The following PKNOX2 variants were observed in gnomAD, a reference collection of about 807,000 sequenced individuals.
PKNOX2 encodes PBX/knotted 1 homeobox 2, also known as homeobox protein PKNOX2.
Under a neutral mutation model 53.1 loss-of-function variants are expected in PKNOX2, and 14 were observed. That is an observed-to-expected ratio of 0.26 (90% confidence interval 0.17 to 0.41). The LOEUF (loss-of-function observed/expected upper bound fraction) is 0.41, where lower values mean the gene tolerates loss of function less well. Ranked by LOEUF, PKNOX2 falls within the 10% of genes least tolerant of loss-of-function variation. PKNOX2 has a pLI of 1.00. For synonymous variants in PKNOX2, 257 were observed against 242.8 expected (o/e 1.06, Z -0.54); for missense variants, 496 against 602.8 (o/e 0.82, Z 1.85).
chr11:125,319,107 T>C (rs1197530209), intron 2 of PKNOX2, among the ~76,000 whole-genome samples: 1 of 152,246 alleles, frequency 6.6e-6, no homozygotes, highest in Non-Finnish European at 1.5e-5. Flanking sequence ...TAATCATTTC[T>C]AACTTTTGAT....
intron 2 of PKNOX2, among the ~76,000 whole-genome samples, chr11:125,299,757 C>G (rs10466539): frequency 0.16 from 23,903 of 151,926 alleles, 2,019 homozygotes; most frequent in East Asian, 0.25. Flanking sequence ...AGAGGGTGAG[C>G]GTTGGGGATA....
chr11:125,229,477 A>T (rs899466026), intron 1 of PKNOX2, among the ~76,000 whole-genome samples: 2 of 152,362 alleles, frequency 1.3e-5, no homozygotes, highest in East Asian at 1.9e-4. Flanking sequence ...ATGTTGGCAG[A>T]TATAAAAACA....
chr11:125,196,482 C>A (rs1937704439), intron 1 of PKNOX2, among the ~76,000 whole-genome samples: 1 of 152,248 alleles, frequency 6.6e-6, no homozygotes, highest in African/African-American at 2.4e-5. Context: ...GAGCTCCCAA[C>A]ATCCTCACCA....
chr11:125,309,998 T>C (rs1198451996), intron 2 of PKNOX2, among the ~76,000 whole-genome samples: 1 of 152,210 alleles, frequency 6.6e-6, no homozygotes, highest in Admixed American at 6.5e-5. Context: ...CCATTCAAGC[T>C]ACTCTTCTTC....
intron 3 of PKNOX2, among the ~76,000 whole-genome samples, chr11:125,339,830 C>T (rs902737514): frequency 1.3e-5 from 2 of 152,216 alleles, no homozygotes; most frequent in African/African-American, 4.8e-5. Flanking sequence ...AATTATACAT[C>T]GCCTTTGAGA....
intron 1 of PKNOX2, among the ~76,000 whole-genome samples, chr11:125,203,500 G>A (rs1078531): frequency 0.21 from 31,671 of 152,166 alleles, 3,425 homozygotes; most frequent in African/African-American, 0.27. Flanking sequence ...GGCCCTTCAG[G>A]GAAGGCGGCA....
chr11:125,256,747 C>G (rs968310445), intron 2 of PKNOX2, among the ~76,000 whole-genome samples: 3 of 152,188 alleles, frequency 2.0e-5, no homozygotes, highest in African/African-American at 7.2e-5. Context: ...GGTTTCTCAG[C>G]AGATCAATCC....
intron 1 of PKNOX2, among the ~76,000 whole-genome samples, chr11:125,226,255 T>C (rs1941681670): frequency 6.6e-6 from 1 of 152,220 alleles, no homozygotes; most frequent in Admixed American, 6.5e-5. Context: ...TTTAGGACTT[T>C]ATGGCTGAAT....
chr11:125,311,752 G>A (rs1009447773), intron 2 of PKNOX2, among the ~76,000 whole-genome samples: 4 of 152,092 alleles, frequency 2.6e-5, no homozygotes, highest in Admixed American at 2.0e-4. Flanking sequence ...TCTACCCAGC[G>A]TCCTATCAAA....
intron 2 of PKNOX2, among the ~76,000 whole-genome samples, chr11:125,306,915 G>C (rs1948499204): frequency 6.6e-6 from 1 of 152,136 alleles, no homozygotes; most frequent in Non-Finnish European, 1.5e-5. Context: ...ATGGATTTAA[G>C]GCCACAGGGT....
chr11:125,269,679 G>A (rs769332355), intron 2 of PKNOX2, among the ~76,000 whole-genome samples: 16 of 152,186 alleles, frequency 1.1e-4, no homozygotes, highest in Non-Finnish European at 2.1e-4. Flanking sequence ...GTCTGGAAAT[G>A]AAACAGGAAA....
intron 3 of PKNOX2, among the ~76,000 whole-genome samples, chr11:125,346,500 AT>A (rs551085097): frequency 3.9e-5 from 6 of 152,090 alleles, no homozygotes; most frequent in Admixed American, 3.9e-4. Flanking sequence ...GGAATCCAGA[AT>A]TTTTTTTACC....
At chr11:125,179,912 T>C (rs1232594799) in intron 1 of PKNOX2, among the ~76,000 whole-genome samples, 1 of 152,176 alleles carries the variant, frequency 6.6e-6, no homozygotes, top group Non-Finnish European at 1.5e-5. Flanking sequence ...TCAAATTCAT[T>C]GACGTTAAAG....
intron 1 of PKNOX2, among the ~76,000 whole-genome samples, chr11:125,176,054 T>C (rs1037459005): frequency 1.3e-5 from 2 of 152,196 alleles, no homozygotes; most frequent in Admixed American, 1.3e-4. Flanking sequence ...GCAGGGTGGC[T>C]TTCCATGACT....
chr11:125,367,167 T>A (rs1489671760), intron 4 of PKNOX2, among the ~76,000 whole-genome samples: 3 of 152,236 alleles, frequency 2.0e-5, no homozygotes, highest in African/African-American at 7.2e-5. Context: ...GAAAATCTAA[T>A]AGATAATATT....
intron 3 of PKNOX2, among the ~76,000 whole-genome samples, chr11:125,348,998 G>T (rs1951145849): frequency 6.6e-6 from 1 of 152,160 alleles, no homozygotes; most frequent in African/African-American, 2.4e-5. Context: ...TGGCGGACGA[G>T]CATCTGTGAT....
At chr11:125,379,886 C>G (rs1298642131) in intron 5 of PKNOX2, among the ~76,000 whole-genome samples, 1 of 151,442 alleles carries the variant, frequency 6.6e-6, no homozygotes, top group Non-Finnish European at 1.5e-5. Flanking sequence ...TAAGCTAGCA[C>G]AAGACTGCAA....
chr11:125,214,334 G>C (rs892354772), intron 1 of PKNOX2, among the ~76,000 whole-genome samples: 1 of 151,828 alleles, frequency 6.6e-6, no homozygotes, highest in African/African-American at 2.4e-5. Context: ...CTTCTGATTC[G>C]CTCTTGCTCT....
At chr11:125,356,840 G>C (rs1951646089) in intron 4 of PKNOX2, among the ~76,000 whole-genome samples, 2 of 152,212 alleles carry the variant, frequency 1.3e-5, no homozygotes, top group South Asian at 4.1e-4. Context: ...GGGTGGCTGG[G>C]GCCCCTGGCT....
Sources: allele counts gnomAD v4.1 joint callset (sites outside exome capture counted in the v4.1 genomes callset), GRCh38; gene constraint gnomAD v4.1.1; transcripts MANE v1.5; gene names NCBI Gene and HGNC (gene_info 2026-07-23, HGNC 2026-07-21).